Variants in ENOX1 observed in about 807,000 individuals in gnomAD.
ENOX1 encodes ecto-NOX disulfide-thiol exchanger 1.
A neutral mutation model predicts 82.5 loss-of-function variants in ENOX1; 42 were observed. That is an observed-to-expected ratio of 0.51 (90% CI 0.40 to 0.66). The LOEUF is 0.66. Among genes scored for constraint, ENOX1 ranks in the 30% least tolerant of loss-of-function variants. ENOX1 has a pLI of 0.00. For synonymous variants in ENOX1, 271 were observed against 282.2 expected, an observed-to-expected ratio of 0.96 and a Z score of 0.40; for missense variants, 608 against 811.6, an observed-to-expected ratio of 0.75 and a Z score of 3.05.
chr13:43,558,622 G>C (rs1210109297), intron 2 of ENOX1, among the ~76,000 whole-genome samples: 2 of 152,132 alleles, frequency 1.3e-5, no homozygotes, highest in Non-Finnish European at 2.9e-5. Flanking sequence ...TGGGTGACAA[G>C]GAGACACTTC....
chr13:43,725,258 T>C (rs1237564602), intron 1 of ENOX1, among the ~76,000 whole-genome samples: 5 of 152,110 alleles, frequency 3.3e-5, no homozygotes, highest in Non-Finnish European at 7.4e-5. Context: ...TTCCCACTGG[T>C]TGAGCAACTA....
chr13:43,676,793 G>A (rs2085533522), intron 1 of ENOX1, among the ~76,000 whole-genome samples: 2 of 152,148 alleles, frequency 1.3e-5, no homozygotes, highest in Non-Finnish European at 2.9e-5. Context: ...GTTGCACCCT[G>A]ACCTCCAGTC....
At chr13:43,774,443 A>G (rs1951807053) in intron 1 of ENOX1, among the ~76,000 whole-genome samples, 1 of 152,056 alleles carries the variant, frequency 6.6e-6, no homozygotes, top group African/African-American at 2.4e-5. Flanking sequence ...GTTACTAAAC[A>G]AACTGCTCTT....
chr13:43,469,556 T>C (rs1202523788), intron 3 of ENOX1, among the ~76,000 whole-genome samples: 1 of 151,932 alleles, frequency 6.6e-6, no homozygotes, highest in Non-Finnish European at 1.5e-5. Flanking sequence ...TTCTGAGTAA[T>C]AAATATAATA....
rs145633147 is a variant in ENOX1, at chr13:43,535,951, T to C, written c.-218-51799A>G. Among the ~76,000 whole-genome samples, 529 of 152,300 alleles carry C rather than the reference T, an allele frequency of 3.5e-3. 2 individuals carry two copies. Among genetic ancestry groups the C allele is most frequent in the African/African-American group, 0.011 (474 of 41,566 alleles). On this transcript the variant is annotated intron_variant, in intron 2 of 16. Coordinates refer to ENST00000690772, the MANE Select transcript of ENOX1 (RefSeq NM_001347969.2). Reference sequence around the variant, plus strand: ...TTCACTAGAATAATGGCCTGTAGCATAAATAAATAGGGGTCATAAGGGAAG... The same window carrying C: ...TTCACTAGAATAATGGCCTGTAGCACAAATAAATAGGGGTCATAAGGGAAG...
intron 2 of ENOX1, among the ~76,000 whole-genome samples, chr13:43,606,072 G>C (rs1027913949): frequency 2.6e-5 from 4 of 152,064 alleles, no homozygotes; most frequent in African/African-American, 9.7e-5. Context: ...CAATATCATT[G>C]ACCATCAGAG....
At chr13:43,434,990 T>C (rs147259533) in intron 3 of ENOX1, among the ~76,000 whole-genome samples, 9 of 133,022 alleles carry the variant, frequency 6.8e-5, no homozygotes, top group African/African-American at 2.4e-4. Context: ...TGTTTTCTCT[T>C]CCATTAGTTT....
chr13:43,238,616 T>C (rs1457519011), intron 14 of ENOX1, among the ~76,000 whole-genome samples: 2 of 152,080 alleles, frequency 1.3e-5, no homozygotes, highest in Non-Finnish European at 2.9e-5. Flanking sequence ...TGAAGCTTTG[T>C]AAGGTCTCCC....
chr13:43,722,630 T>C (rs2088655904), intron 1 of ENOX1, among the ~76,000 whole-genome samples: 1 of 152,092 alleles, frequency 6.6e-6, no homozygotes, highest in Admixed American at 6.5e-5. Context: ...ATACCAGACA[T>C]GATGACAGGG....
intron 1 of ENOX1, among the ~76,000 whole-genome samples, chr13:43,695,133 T>TA (rs1335469512): frequency 1.3e-5 from 2 of 151,846 alleles, no homozygotes; most frequent in African/African-American, 4.8e-5. Flanking sequence ...TAGACTTCAA[T>TA]CTCCTGCAGT....
chr13:43,583,339 A>C (rs1020547944), intron 2 of ENOX1, among the ~76,000 whole-genome samples: 12 of 152,214 alleles, frequency 7.9e-5, no homozygotes, highest in Non-Finnish European at 1.3e-4. Flanking sequence ...ATGTAAAATA[A>C]ATTTTTTAAA....
At chr13:43,741,028 ACT>A (rs1372917901) in intron 1 of ENOX1, among the ~76,000 whole-genome samples, 1 of 151,484 alleles carries the variant, frequency 6.6e-6, no homozygotes, top group East Asian at 1.9e-4. Context: ...TCATATGGTA[ACT>A]CTGTGTTGAA....
intron 14 of ENOX1, among the ~76,000 whole-genome samples, chr13:43,239,625 A>C (rs1443021521): frequency 6.6e-6 from 1 of 152,250 alleles, no homozygotes; most frequent in East Asian, 1.9e-4. Context: ...ACTACTGACT[A>C]AGCTCCAGAT....
intron 2 of ENOX1, among the ~76,000 whole-genome samples, chr13:43,564,512 T>C (rs1449630074): frequency 6.6e-6 from 1 of 152,020 alleles, no homozygotes; most frequent in Admixed American, 6.6e-5. Flanking sequence ...AAATCAAGTA[T>C]TGTGTGTATT....
At chr13:43,287,695 C>G (rs1295694645) in intron 12 of ENOX1, among the ~76,000 whole-genome samples, 1 of 152,162 alleles carries the variant, frequency 6.6e-6, no homozygotes, top group African/African-American at 2.4e-5. Flanking sequence ...CATCCTCACT[C>G]AAAACTGCTA....
intron 10 of ENOX1, among the ~76,000 whole-genome samples, chr13:43,325,947 G>T (rs2048087087): frequency 6.6e-6 from 1 of 152,138 alleles, no homozygotes; most frequent in African/African-American, 2.4e-5. Context: ...TGGATCTGGA[G>T]AGAAGTGTAA....
At chr13:43,618,165 A>G (rs1231769871) in intron 2 of ENOX1, among the ~76,000 whole-genome samples, 1 of 152,092 alleles carries the variant, frequency 6.6e-6, no homozygotes, top group Admixed American at 6.5e-5. Context: ...AGATGTATAG[A>G]CTGTGAAGAT....
chr13:43,449,664 ACTT>A (rs917032327), intron 3 of ENOX1, among the ~76,000 whole-genome samples: 7 of 152,006 alleles, frequency 4.6e-5, no homozygotes, highest in African/African-American at 7.2e-5. Flanking sequence ...TAAAATAGAT[ACTT>A]CTTATTGTTT....
intron 14 of ENOX1, among the ~76,000 whole-genome samples, chr13:43,254,754 A>G (rs2043650651): frequency 6.6e-6 from 1 of 152,230 alleles, no homozygotes; most frequent in African/African-American, 2.4e-5. Flanking sequence ...TCTATCATGA[A>G]TAACTATATA....
Sources: allele counts gnomAD v4.1 joint callset (sites outside exome capture counted in the v4.1 genomes callset), GRCh38; gene constraint gnomAD v4.1.1; transcripts MANE v1.5; gene names NCBI Gene and HGNC (gene_info 2026-07-23, HGNC 2026-07-21).